The following ZNF318 variants were observed in gnomAD, a reference collection of about 807,000 sequenced individuals.
The protein encoded by ZNF318 is zinc finger protein 318.
ZNF318 carries 51 observed loss-of-function variants against 124.2 expected under a neutral mutation model. The observed-to-expected ratio is 0.41, with a 90% CI of 0.33 to 0.52. The LOEUF is 0.52. Ranked by LOEUF, ZNF318 falls within the 20% of genes least tolerant of loss-of-function variation. The probability of loss-of-function intolerance (pLI) is 0.23; values close to 1 mark genes in which losing one functional copy is unlikely to be tolerated. For synonymous variants in ZNF318, 1,090 were observed against 1,040.7 expected, an observed-to-expected ratio of 1.05 and a Z score of -0.91; for missense variants, 2,815 against 2,811.2, an observed-to-expected ratio of 1.00 and a Z score of -0.03.
chr6:43,368,400 A>G (rs528356422), intron 1 of ZNF318, among the ~76,000 whole-genome samples: 11 of 152,332 alleles, frequency 7.2e-5, no homozygotes, highest in South Asian at 6.2e-4. Context: ...AATTCCTGAC[A>G]TAGAACTCGA....
chr6:43,348,227 A>AG, intron 6 of ZNF318, 97 bp downstream of exon 6: 1 of 1,202,434 alleles, frequency 8.3e-7, no homozygotes, highest in Non-Finnish European at 1.2e-6. Flanking sequence ...AACAAGAGTA[A>AG]GAACAGTTTG....
At chr6:43,360,446 TC>T (rs1050054441) in intron 2 of ZNF318, among the ~76,000 whole-genome samples, 1 of 152,144 alleles carries the variant, frequency 6.6e-6, no homozygotes, top group Non-Finnish European at 1.5e-5. Flanking sequence ...CGATGGATAC[TC>T]CCGGAAAGCC....
Position 43,357,690 on chromosome 6 carries a change from C to T in ZNF318, c.624G>A (p.Gln208=). The T allele has an allele frequency of 1.9e-6, 3 of 1,612,644 alleles. No homozygotes were observed. Among genetic ancestry groups the T allele is most frequent in the Non-Finnish European group, 2.5e-6 (3 of 1,179,982 alleles). Residue 208 remains glutamine (Q), a synonymous_variant, in exon 3 of 10, where the codon CAG becomes CAA. Coordinates refer to ENST00000361428, the MANE Select transcript of ZNF318 (RefSeq NM_014345.3). ...CSRGLERYIS[Q]EEGPLSPFLG... is the part of the protein sequence containing the mutation. Reference sequence around the variant, plus strand: ...AGAAGGGACTGAGAGGCCCTTCCTCCTGGGAAATATATCGCTCAAGACCCC... The same window carrying T: ...AGAAGGGACTGAGAGGCCCTTCCTCTTGGGAAATATATCGCTCAAGACCCC...
intron 6 of ZNF318, among the ~76,000 whole-genome samples, chr6:43,345,817 T>C (rs551274410): frequency 4.6e-5 from 7 of 152,312 alleles, no homozygotes; most frequent in Non-Finnish European, 1.0e-4. Flanking sequence ...TCCTCTTTTA[T>C]CCTCTCGGGC....
chr6:43,362,957 G>A (rs961665249), intron 2 of ZNF318, among the ~76,000 whole-genome samples: 2 of 152,192 alleles, frequency 1.3e-5, no homozygotes, highest in Admixed American at 6.5e-5. Flanking sequence ...AAAAGGGAAA[G>A]AAGAGAAATG....
At chr6:43,341,164 T>C (rs2099908426) in intron 8 of ZNF318, among the ~76,000 whole-genome samples, 1 of 152,198 alleles carries the variant, frequency 6.6e-6, no homozygotes, top group South Asian at 2.1e-4. Flanking sequence ...CTGTGCCAGA[T>C]TAATTCCTGT....
At chr6:43,341,916 T>C (rs1305632046) in intron 8 of ZNF318, among the ~76,000 whole-genome samples, 196 bp downstream of exon 8, 1 of 152,188 alleles carries the variant, frequency 6.6e-6, no homozygotes, top group Admixed American at 6.5e-5. Context: ...GCCATATGGG[T>C]AGAGATCATG....
chr6:43,357,391 G>C lies in ZNF318; in HGVS notation c.923C>G (p.Pro308Arg). The C allele has an allele frequency of 6.2e-7, 1 of 1,614,148 alleles. No homozygotes were observed. Among genetic ancestry groups the C allele is most frequent in the Non-Finnish European group, 8.5e-7 (1 of 1,180,026 alleles). ...NYRQRRRSPS[P>R]RFLDPEFREL... Reference sequence around the variant, plus strand: ...TCGAAACTCAGGGTCGAGAAACCTAGGACTTGGGCTTCTTCTACGCTGTCG... The same window carrying C: ...TCGAAACTCAGGGTCGAGAAACCTACGACTTGGGCTTCTTCTACGCTGTCG... The change falls in exon 3 of 10, where the codon CCT becomes CGT. Residue 308 changes from proline to arginine, a missense_variant. Physicochemically the swap from Pro to Arg is moderately radical, Grantham distance 103 (BLOSUM62 -2). Transcript: ENST00000361428.
At chr6:43,345,955 C>A (rs1006342913) in intron 6 of ZNF318, among the ~76,000 whole-genome samples, 4 of 151,968 alleles carry the variant, frequency 2.6e-5, no homozygotes, top group Non-Finnish European at 5.9e-5. Flanking sequence ...GTAATCCCAG[C>A]ACTTTGGGAG....
At chr6:43,341,358 T>A (rs1351993287) in intron 8 of ZNF318, among the ~76,000 whole-genome samples, 1 of 152,122 alleles carries the variant, frequency 6.6e-6, no homozygotes, top group Non-Finnish European at 1.5e-5. Flanking sequence ...GGTAAGAAAT[T>A]GAAAAGTTTA....
At chr6:43,363,719 T>G (rs993038987) in intron 2 of ZNF318, 20 of 565,292 alleles carry the variant, frequency 3.5e-5, no homozygotes, top group Non-Finnish European at 5.9e-5. Context: ...GGGGCCTCTC[T>G]CAAGGATGAG....
In ZNF318 at chr6:43,338,376, A is replaced by C. The variant is rs759055430; in HGVS notation, c.5622T>G (p.Ala1874=). The C allele has an allele frequency of 3.7e-6, 6 of 1,614,200 alleles. No individual in the cohort carries two copies. The highest frequency in any genetic ancestry group is 5.1e-6 in the Non-Finnish European group (6 of 1,180,032). Residue 1874 remains alanine (A), a synonymous_variant, in exon 10 of 10, where the codon GCT becomes GCG. Transcript: ENST00000361428. ...TATCTTGTGGGTTGAGTAAAGACCT[A>C]GCTTCTGATAAAAATGAGTCTAATT... is the stretch of plus-strand genomic sequence containing the variant. ...KAKLDSFLSE[A]RSLLNPQDTP...
rs1779595793 is a variant in ZNF318, at chr6:43,355,610, G to A, written c.1724C>T (p.Pro575Leu). 2.5e-6 allele frequency: 4 copies of A among 1,614,112 alleles called. No homozygotes were observed. Among genetic ancestry groups the A allele is most frequent in the East Asian group, 2.2e-5 (1 of 44,906 alleles). The change falls in exon 4 of 10, where the codon CCA becomes CTA. Residue 575 changes from proline (P) to leucine (L), a missense_variant. Pro to Leu is a moderately conservative substitution (Grantham distance 98). Around this residue, in one of 4 missense-constraint regions of ZNF318, gnomAD observed 1,377 missense variants for 1,353.5 expected, o/e 1.02. Coordinates refer to ENST00000361428, the MANE Select transcript of ZNF318 (RefSeq NM_014345.3). ...QKASSLPSSA[P>L]AVKLESLEET... ...TTCTAGTGATTCTAGCTTTACAGCTGGAGCTGAAGACGGCAGGGAGCTTGC... is the reference window on the plus strand; with the variant it reads ...TTCTAGTGATTCTAGCTTTACAGCTAGAGCTGAAGACGGCAGGGAGCTTGC...
intron 3 of ZNF318, among the ~76,000 whole-genome samples, chr6:43,356,759 T>C (rs1779613243): frequency 6.6e-6 from 1 of 152,230 alleles, no homozygotes; most frequent in South Asian, 2.1e-4. Context: ...CTCATACATC[T>C]TGTCTTCTCT....
Position 43,357,375 on chromosome 6 carries a change from A to C in ZNF318, c.939T>G (p.Pro313=), listed in dbSNP as rs764063509. The C allele has an allele frequency of 6.2e-7, 1 of 1,614,180 alleles. No homozygotes were observed. Among genetic ancestry groups the C allele is most frequent in the African/African-American group, 1.3e-5 (1 of 75,042 alleles). The change falls in exon 3 of 10, where the codon CCT becomes CCG. Residue 313 remains proline (P), a synonymous_variant. Coordinates refer to ENST00000361428, the MANE Select transcript of ZNF318 (RefSeq NM_014345.3). The part of the protein sequence containing the change: ...RRSPSPRFLD[P]EFRELDLARR... ...TGGCAAGATCCAGTTCTCGAAACTC[A>C]GGGTCGAGAAACCTAGGACTTGGGC...
Position 43,340,197 on chromosome 6 carries a change from T to C in ZNF318, c.3801A>G (p.Ser1267=). 6.2e-7 allele frequency: 1 copy of C among 1,614,188 alleles called. No individual in the cohort carries two copies. The highest frequency in any genetic ancestry group is 1.1e-5 in the South Asian group (1 of 91,078). ...LQLKEEVKKE[S]PTSSSFGKFS... ...ATTTCCCAAAAGAAGATGATGTTGG[T>C]GATTCCTTCTTTACCTCTTCTTTTA... Residue 1267 remains serine (S), a synonymous_variant, in exon 10 of 10, where the codon TCA becomes TCG. Transcript: ENST00000361428.
chr6:43,342,146 T>C lies in ZNF318; in HGVS notation c.3342A>G (p.Ile1114Met), dbSNP rs1779380156. 8 of 1,614,142 alleles carry C rather than the reference T, an allele frequency of 5.0e-6. No homozygotes were observed. The highest frequency in any genetic ancestry group is 6.8e-6 in the Non-Finnish European group (8 of 1,179,980). The change falls in exon 8 of 10, where the codon ATA becomes ATG. Residue 1114 changes from isoleucine to methionine, a missense_variant. Ile to Met is a conservative substitution (Grantham distance 10, BLOSUM62 1). This residue lies in a region of ZNF318 where 500 missense variants were observed against 605.2 expected (regional missense o/e 0.83). Transcript: ENST00000361428. ...KTQSEAKQDA[I>M]KRTDKITVPA... ...GAACAGTTATCTTGTCAGTGCGCTT[T>C]ATGGCATCTTGCTTGGCCTCACTCT...
chr6:43,357,207 C>A lies in ZNF318; in HGVS notation c.1107G>T (p.Arg369=). ...TGGGCATCACAGATACTTCCTCAGG[C>A]CGATGCAAAGAATATCCTGGCTCCG... is the stretch of plus-strand genomic sequence containing the variant. The part of the protein sequence containing the change: ...TASEPGYSLH[R]PEEVSVMPKK... The change falls in exon 3 of 10, where the codon CGG becomes CGT. Residue 369 remains arginine, a synonymous_variant. Transcript: ENST00000361428. 6.2e-7 allele frequency: 1 copy of A among 1,614,186 alleles called. No individual in the cohort carries two copies. Among genetic ancestry groups the A allele is most frequent in the South Asian group, 1.1e-5 (1 of 91,080 alleles).
intron 1 of ZNF318, among the ~76,000 whole-genome samples, chr6:43,365,700 C>T (rs1264652394): frequency 6.6e-6 from 1 of 152,108 alleles, no homozygotes; most frequent in Non-Finnish European, 1.5e-5. Context: ...GGGAGGATAG[C>T]TTAAGCTTGG....
Sources: allele counts gnomAD v4.1 joint callset (sites outside exome capture counted in the v4.1 genomes callset), GRCh38; gene constraint gnomAD v4.1.1; regional missense constraint gnomAD v4.1.1; transcripts MANE v1.5; gene names NCBI Gene and HGNC (gene_info 2026-07-23, HGNC 2026-07-21).